The following ASXL1 variants were observed in gnomAD, a reference collection of about 807,000 sequenced individuals.
ASXL1 encodes the protein ASXL transcriptional regulator 1, also known as polycomb group protein ASXL1.
A neutral mutation model predicts 89.1 loss-of-function variants in ASXL1; 65 were observed. The observed-to-expected ratio is 0.73, with a 90% CI of 0.60 to 0.90. The LOEUF (loss-of-function observed/expected upper bound fraction) is 0.90, where lower values mean the gene tolerates loss of function less well. Among genes scored for constraint, ASXL1 ranks in the 40% least tolerant of loss-of-function variants. ASXL1 has a pLI of 0.00. For missense variants in ASXL1, 1,786 were observed against 1,942.9 expected, an observed-to-expected ratio of 0.92 and a Z score of 1.52; for synonymous variants, 739 against 746.9, an observed-to-expected ratio of 0.99 and a Z score of 0.17.
In ASXL1 at chr20:32,358,347, A is replaced by G; in HGVS notation, c.-429A>G. On this transcript the variant is annotated 5_prime_UTR_variant, in exon 1 of 13. Transcript: ENST00000375687. ...TCACTCTTCACACACACTCACACACACCCACGGCAGACACGCACGCACCCG... is the reference window on the plus strand; with the variant it reads ...TCACTCTTCACACACACTCACACACGCCCACGGCAGACACGCACGCACCCG... 1 of 230,284 alleles carries G rather than the reference A, an allele frequency of 4.3e-6. No individual in the cohort carries two copies. The highest frequency in any genetic ancestry group is 6.1e-5 in the East Asian group (1 of 16,496). The allele number at this position is 230,284 out of a possible 1,614,324, so 14.3% of individuals were successfully genotyped here.
chr20:32,426,376 G>A (rs1459524143), intron 4 of ASXL1, among the ~76,000 whole-genome samples: 3 of 152,022 alleles, frequency 2.0e-5, no homozygotes, highest in African/African-American at 7.2e-5. Flanking sequence ...TCATTAAGGA[G>A]TATTTTATCT....
chr20:32,412,096 G>A (rs1428981136), intron 4 of ASXL1, among the ~76,000 whole-genome samples: 7 of 152,090 alleles, frequency 4.6e-5, no homozygotes, highest in Admixed American at 3.9e-4. Context: ...TTTTAGCTTA[G>A]AATAGTATGC....
At chr20:32,432,678 C>T (rs775520959) in intron 10 of ASXL1, 85 of 583,940 alleles carry the variant, frequency 1.5e-4, no homozygotes, top group Admixed American at 4.0e-4. Flanking sequence ...TTTGCTTTTT[C>T]GATCAAGGAG....
intron 4 of ASXL1, among the ~76,000 whole-genome samples, chr20:32,402,520 T>C (rs1200924042): frequency 1.3e-5 from 2 of 152,264 alleles, no homozygotes; most frequent in African/African-American, 2.4e-5. Flanking sequence ...TATTTAACTC[T>C]GTAAGAAACG....
chr20:32,401,364 C>T (rs2048868158), intron 4 of ASXL1, among the ~76,000 whole-genome samples: 1 of 152,160 alleles, frequency 6.6e-6, no homozygotes, highest in Non-Finnish European at 1.5e-5. Context: ...AACCAACCAA[C>T]TTTAATCCTG....
chr20:32,435,499 G>A lies in ASXL1; in HGVS notation c.2787G>A (p.Glu929=). The A allele has an allele frequency of 6.2e-7, 1 of 1,614,070 alleles. No homozygotes were observed. Among genetic ancestry groups the A allele is most frequent in the Non-Finnish European group, 8.5e-7 (1 of 1,180,044 alleles). ...IPSVEPQVGE[E]WEKAAPTPPA... ...CTGTTGAGCCCCAGGTTGGAGAGGA[G>A]TGGGAGAAAGCTGCTCCCACCCCTC... Residue 929 remains glutamate, a synonymous_variant, in exon 13 of 13, where the codon GAG becomes GAA. Coordinates refer to ENST00000375687, the MANE Select transcript of ASXL1 (RefSeq NM_015338.6).
intron 4 of ASXL1, among the ~76,000 whole-genome samples, chr20:32,391,818 C>G (rs2048676617): frequency 6.6e-6 from 1 of 152,128 alleles, no homozygotes; most frequent in Non-Finnish European, 1.5e-5. Flanking sequence ...AAAATTTCTG[C>G]TCTTCCTGGC....
intron 4 of ASXL1, among the ~76,000 whole-genome samples, chr20:32,391,269 A>T (rs1205753243): frequency 6.6e-6 from 1 of 152,128 alleles, no homozygotes; most frequent in Non-Finnish European, 1.5e-5. Flanking sequence ...TCTTCAGTTG[A>T]TAGACATTTG....
chr20:32,395,665 T>A (rs2048749418), intron 4 of ASXL1, among the ~76,000 whole-genome samples: 1 of 152,224 alleles, frequency 6.6e-6, no homozygotes, highest in East Asian at 1.9e-4. Flanking sequence ...ACTGATGCAC[T>A]GTTATGTTTT....
chr20:32,429,956 C>T lies in ASXL1; in HGVS notation c.621C>T (p.Ser207=), dbSNP rs1228680740. The T allele has an allele frequency of 2.5e-6, 4 of 1,608,574 alleles. No homozygotes were observed. Among genetic ancestry groups the T allele is most frequent in the Middle Eastern group, 1.8e-4 (1 of 5,536 alleles). Residue 207 remains serine (S), a synonymous_variant, in exon 8 of 13, where the codon AGC becomes AGT. Coordinates refer to ENST00000375687, the MANE Select transcript of ASXL1 (RefSeq NM_015338.6). This position sits in a 1 kb window ranked among gnomAD's most constrained non-coding sequence, Gnocchi z 4.9. ...GESGSPSSSS[S]GSLALGSAAI... is the part of the protein sequence containing the mutation. ...GCGGCAGCCCGTCCAGCAGCAGCAG[C>T]GGCTCTCTGGCCCTGGGCAGCGCTG...
At chr20:32,374,229 A>G (rs904348439) in intron 4 of ASXL1, among the ~76,000 whole-genome samples, 8 of 152,146 alleles carry the variant, frequency 5.3e-5, no homozygotes, top group African/African-American at 1.9e-4. Flanking sequence ...CCTGAGCTCA[A>G]GCAATCCTCC....
chr20:32,360,134 G>A (rs564160887), intron 1 of ASXL1: 117 of 260,296 alleles, frequency 4.5e-4, no homozygotes, highest in African/African-American at 2.2e-3. Flanking sequence ...TTTCTTTCTC[G>A]AAGTCTGTAA....
chr20:32,368,469 C>T (rs2048241746), intron 3 of ASXL1, among the ~76,000 whole-genome samples: 1 of 152,096 alleles, frequency 6.6e-6, no homozygotes, highest in South Asian at 2.1e-4. Context: ...CTCAATCTCC[C>T]CACTTCCAGC....
chr20:32,435,753 G>C lies in ASXL1; in HGVS notation c.3041G>C (p.Ser1014Thr), dbSNP rs762976045. 3 of 1,614,252 alleles carry C rather than the reference G, an allele frequency of 1.9e-6. No homozygotes were observed. Among genetic ancestry groups the C allele is most frequent in the Non-Finnish European group, 2.5e-6 (3 of 1,180,046 alleles). Residue 1014 changes from serine (S) to threonine (T), a missense_variant, in exon 13 of 13, where the codon AGT becomes ACT. Coordinates refer to ENST00000375687, the MANE Select transcript of ASXL1 (RefSeq NM_015338.6). ...GAAGGTCACCTCACGGAGGACAGCAGTGAGGCTGACACTAGAGAAGCTGCA... is the reference window on the plus strand; with the variant it reads ...GAAGGTCACCTCACGGAGGACAGCACTGAGGCTGACACTAGAGAAGCTGCA... ...DFEGHLTEDS[S>T]EADTREAAVT...
chr20:32,386,487 G>A (rs998698143), intron 4 of ASXL1, among the ~76,000 whole-genome samples: 1 of 151,564 alleles, frequency 6.6e-6, no homozygotes, highest in African/African-American at 2.4e-5. Context: ...GCATGATCCC[G>A]GCTCACTGCA....
At chr20:32,367,683 A>G (rs1459456517) in intron 2 of ASXL1, 44 bp from the exon 3 acceptor site, 9 of 780,616 alleles carry the variant, frequency 1.2e-5, no homozygotes, top group East Asian at 2.4e-5. Context: ...GCTATTTCCC[A>G]TCATGCTGCT....
intron 4 of ASXL1, among the ~76,000 whole-genome samples, chr20:32,422,264 T>C (rs1569308736): frequency 6.6e-6 from 1 of 151,280 alleles, no homozygotes; most frequent in Non-Finnish European, 1.5e-5. Context: ...TATCTTGATA[T>C]GCATTTGTTA....
rs180750064 is a variant in ASXL1, at chr20:32,391,432, A to G, written c.252+22309A>G. 5.8e-4 allele frequency among the ~76,000 whole-genome samples: 89 copies of G among 152,252 alleles called. 1 individual carries two copies. The highest frequency in any genetic ancestry group is 5.5e-3 in the Admixed American group (84 of 15,284). On this transcript the variant is annotated intron_variant, in intron 4 of 12. Transcript: ENST00000375687. ...GGTGGTAATTTCTGTTTAACTTTTA[A>G]AGAAATAGCTAAGCTGTTTTCCAAA...
At chr20:32,420,115 T>C (rs2049216042) in intron 4 of ASXL1, among the ~76,000 whole-genome samples, 1 of 152,098 alleles carries the variant, frequency 6.6e-6, no homozygotes, top group African/African-American at 2.4e-5. Flanking sequence ...GTCTCTTGGA[T>C]CTTTAATGTA....
Sources: gnomAD v4.1 joint callset for allele counts (sites outside exome capture counted in the v4.1 genomes callset) on GRCh38, gnomAD v4.1.1 for gene constraint, Gnocchi (gnomAD v3.1) non-coding constraint, MANE v1.5 for transcripts, NCBI Gene and HGNC (gene_info 2026-07-23, HGNC 2026-07-21) for gene names.